The following SMURF1 variants were observed in gnomAD, a reference collection of about 807,000 sequenced individuals.
SMURF1 encodes the protein SMAD specific E3 ubiquitin protein ligase 1.
A neutral mutation model predicts 98.0 loss-of-function variants in SMURF1; 44 were observed. The observed-to-expected ratio is 0.45, with a 90% confidence interval of 0.35 to 0.58. SMURF1 has a LOEUF of 0.58. Among genes scored for constraint, SMURF1 ranks in the 20% least tolerant of loss-of-function variants. The probability of loss-of-function intolerance (pLI) is 0.00; values close to 1 mark genes in which losing one functional copy is unlikely to be tolerated. For missense variants in SMURF1, 687 were observed against 938.4 expected, an observed-to-expected ratio of 0.73 and a Z score of 3.50; for synonymous variants, 396 against 374.9, an observed-to-expected ratio of 1.06 and a Z score of -0.65.
At chr7:99,041,228 C>T (rs892149446) in intron 12 of SMURF1, among the ~76,000 whole-genome samples, 4 of 152,098 alleles carry the variant, frequency 2.6e-5, no homozygotes, top group African/African-American at 9.7e-5. Flanking sequence ...ATGGCAAAAC[C>T]CCATCTCTAC....
At chr7:99,035,463 C>G (rs768230425) in intron 16 of SMURF1, 52 bp downstream of exon 16, 181 of 1,600,144 alleles carry the variant, frequency 1.1e-4, no homozygotes, top group Middle Eastern at 3.9e-4. Context: ...CTCTTCCTGC[C>G]CACAGCGCAC....
chr7:99,037,039 G>A, intron 15 of SMURF1, 28 bp downstream of exon 15: 1 of 1,612,850 alleles, frequency 6.2e-7, no homozygotes, highest in Non-Finnish European at 8.5e-7. Context: ...GGGACGCCCT[G>A]GGTCGACTCC....
chr7:99,098,572 C>T (rs914766816), intron 1 of SMURF1, among the ~76,000 whole-genome samples: 1 of 152,138 alleles, frequency 6.6e-6, no homozygotes, highest in Non-Finnish European at 1.5e-5. Flanking sequence ...CAAACCTTAG[C>T]TCCGTATTCA....
At chr7:99,137,259 C>T (rs1465671978) in intron 1 of SMURF1, among the ~76,000 whole-genome samples, 1 of 152,190 alleles carries the variant, frequency 6.6e-6, no homozygotes, top group Non-Finnish European at 1.5e-5. Flanking sequence ...CATAACTACT[C>T]ATTAAAATAT....
chr7:99,052,476 T>C (rs219798), intron 6 of SMURF1, 30 bp from the exon 7 acceptor site: 587,334 of 1,493,904 alleles, frequency 0.39, 122,041 homozygotes, highest in African/African-American at 0.78. Flanking sequence ...GCAGGCATGG[T>C]GTCACCATGG....
intron 16 of SMURF1, among the ~76,000 whole-genome samples, chr7:99,034,005 G>A (rs1236654110): frequency 1.3e-5 from 2 of 152,236 alleles, no homozygotes; most frequent in Non-Finnish European, 2.9e-5. Context: ...GGCAGGACAG[G>A]ACTCCGGGAG....
chr7:99,027,508 T>C lies in SMURF1; in HGVS notation c.*3076A>G, dbSNP rs1406376171. 6.6e-6 allele frequency: 1 copy of C among 152,628 alleles called. No homozygotes were observed. The highest frequency in any genetic ancestry group is 1.5e-5 in the Non-Finnish European group (1 of 68,040). The allele number at this position is 152,628 out of a possible 1,614,324, so 9.5% of individuals were successfully genotyped here. A position where few individuals can be genotyped will look rare whatever the true frequency, so the allele number is the denominator to read the frequency against. On this transcript the variant is annotated 3_prime_UTR_variant, in exon 18 of 18. Transcript: ENST00000361368. ...CTCCTGGGCCCAGCCTGCTGTACAA[T>C]CACTGTTTGTTTTGTGTTTCCAGCT... is the stretch of plus-strand genomic sequence containing the variant.
Position 99,052,395 on chromosome 7 carries a change from C to T in SMURF1, c.531G>A (p.Glu177=). The change falls in exon 7 of 18, where the codon GAG becomes GAA. Residue 177 remains glutamate (E), a synonymous_variant. Transcript: ENST00000361368. ...GPGRPLSCFM[E]EPAPYTDSTG... ...TGCTATCTGTGTAAGGGGCTGGTTC[C>T]TCCATGAAGCAGCTGAGCGGCCTCC... 6.2e-7 allele frequency: 1 copy of T among 1,604,678 alleles called. No homozygotes were observed. Among genetic ancestry groups the T allele is most frequent in the South Asian group, 1.1e-5 (1 of 89,148 alleles).
chr7:99,143,598 G>A, intron 1 of SMURF1, 128 bp downstream of exon 1: 1 of 727,898 alleles, frequency 1.4e-6, no homozygotes, highest in Non-Finnish European at 2.0e-6. Flanking sequence ...GGCGCACGCC[G>A]AAGGGGGTGA....
At position 99,030,330 on chromosome 7, in the gene SMURF1, C is replaced by G; in HGVS notation, c.*254G>C. 6.1e-6 allele frequency: 3 copies of G among 488,926 alleles called. No individual in the cohort carries two copies. The highest frequency in any genetic ancestry group is 7.5e-6 in the Non-Finnish European group (2 of 266,628). 30.3% of individuals were successfully genotyped at this position (488,926 alleles called of 1,614,324 possible). ...TATCCTGTGTGACCAAAGCCAAAGGCTAAACCTGGCTGCATTTTATTGGAT... is the reference window on the plus strand; with the variant it reads ...TATCCTGTGTGACCAAAGCCAAAGGGTAAACCTGGCTGCATTTTATTGGAT... On this transcript the variant is annotated 3_prime_UTR_variant, in exon 18 of 18. Coordinates refer to ENST00000361368, the MANE Select transcript of SMURF1 (RefSeq NM_181349.3).
chr7:99,032,077 A>G (rs1165638598), intron 17 of SMURF1, among the ~76,000 whole-genome samples: 1 of 152,244 alleles, frequency 6.6e-6, no homozygotes, highest in Non-Finnish European at 1.5e-5. Context: ...TGTCAGATAA[A>G]GTGAAGCCCA....
intron 13 of SMURF1, among the ~76,000 whole-genome samples, chr7:99,039,588 C>G (rs183561887): frequency 2.5e-4 from 38 of 152,252 alleles, no homozygotes; most frequent in Admixed American, 1.2e-3. Flanking sequence ...CCTTTGACCT[C>G]AAGTGAAAAG....
chr7:99,138,119 AT>A (rs952405243), intron 1 of SMURF1, among the ~76,000 whole-genome samples: 1 of 146,938 alleles, frequency 6.8e-6, no homozygotes, highest in African/African-American at 2.5e-5. Context: ...AAAAAAAAAA[AT>A]TGTATATTCC....
chr7:99,047,931 A>T, intron 9 of SMURF1, 49 bp from the exon 10 acceptor site: 4 of 1,571,334 alleles, frequency 2.5e-6, no homozygotes, highest in East Asian at 4.5e-5. Context: ...CGGCCAGGGG[A>T]GCTGCAAGCA....
intron 1 of SMURF1, among the ~76,000 whole-genome samples, chr7:99,079,406 C>G (rs771936876): frequency 6.6e-6 from 1 of 152,112 alleles, no homozygotes; most frequent in Non-Finnish European, 1.5e-5. Context: ...CCCCACAGCT[C>G]GAAGGAGAAG....
At chr7:99,100,233 A>T (rs951090505) in intron 1 of SMURF1, among the ~76,000 whole-genome samples, 4 of 152,232 alleles carry the variant, frequency 2.6e-5, no homozygotes, top group Non-Finnish European at 4.4e-5. Context: ...GAAAGTAAGA[A>T]CGCATCCAGC....
intron 3 of SMURF1, 92 bp from the exon 4 acceptor site, chr7:99,057,643 C>A: frequency 3.6e-6 from 5 of 1,378,742 alleles, no homozygotes; most frequent in Non-Finnish European, 4.7e-6. Flanking sequence ...TGCTCTGTTG[C>A]CCCCAGGCTG....
At position 99,071,910 on chromosome 7, in the gene SMURF1, T is replaced by TA. The variant is rs558395939; in HGVS notation, c.56-10074dup. ...AGCAACGTAACAAGACACTGTATCT[T>TA]AAAAAAAAAAAAATAGAAATTAGCC... is the stretch of plus-strand genomic sequence containing the variant. On this transcript the variant is annotated intron_variant, in intron 1 of 17. Transcript: ENST00000361368. 3.4e-3 allele frequency among the ~76,000 whole-genome samples: 479 copies of TA among 142,504 alleles called. 1 individual carries two copies. The highest frequency in any genetic ancestry group is 9.5e-3 in the African/African-American group (371 of 39,100). The allele number at this position is 142,504 out of a possible 152,430, so 93.5% of individuals were successfully genotyped here. A position where few individuals can be genotyped will look rare whatever the true frequency, so the allele number is the denominator to read the frequency against.
intron 1 of SMURF1, among the ~76,000 whole-genome samples, chr7:99,110,204 G>C (rs1345964315): frequency 5.9e-5 from 9 of 152,132 alleles, no homozygotes; most frequent in Non-Finnish European, 1.2e-4. Context: ...ATGTGGTAAA[G>C]ATCTCATTTA....
Sources: gnomAD v4.1 joint callset for allele counts (sites outside exome capture counted in the v4.1 genomes callset) on GRCh38, gnomAD v4.1.1 for gene constraint, MANE v1.5 for transcripts, NCBI Gene and HGNC (gene_info 2026-07-23, HGNC 2026-07-21) for gene names.